The following FBXL13 variants were observed in gnomAD, a reference collection of about 807,000 sequenced individuals.
FBXL13 encodes F-box and leucine rich repeat protein 13.
Under a neutral mutation model 83.6 loss-of-function variants are expected in FBXL13, and 67 were observed. The observed-to-expected ratio is 0.80, with a 90% CI of 0.66 to 0.98. The LOEUF is 0.98. FBXL13 is among the 50% of genes least tolerant of loss of function. The pLI, the probability that FBXL13 is intolerant of heterozygous loss-of-function variation, is 0.00. For synonymous variants in FBXL13, 272 were observed against 299.5 expected (o/e 0.91, Z 0.95); for missense variants, 822 against 866.5 (o/e 0.95, Z 0.64).
chr7:103,068,198 G>C (rs2129504371), intron 1 of FBXL13, among the ~76,000 whole-genome samples: 2 of 152,324 alleles, frequency 1.3e-5, no homozygotes, highest in Middle Eastern at 6.8e-3. Context: ...GACAGGAGTA[G>C]AGAAAAAGGA....
chr7:103,028,733 T>C (rs1794199578), exon 4 of FBXL13: 3 of 1,585,154 alleles, frequency 1.9e-6, no homozygotes, highest in South Asian at 2.4e-5. Context: ...TTGTACGAGC[T>C]ATGTCTCTCC....
At chr7:102,944,901 G>C in intron 8 of FBXL13, 1 of 252,074 alleles carries the variant, frequency 4.0e-6, no homozygotes, top group Non-Finnish European at 7.4e-6. Flanking sequence ...CTGTATAAAT[G>C]TTTTTACTGC....
At chr7:103,042,085 G>T (rs929764668) in intron 2 of FBXL13, among the ~76,000 whole-genome samples, 2 of 152,098 alleles carry the variant, frequency 1.3e-5, no homozygotes, top group African/African-American at 4.8e-5. Context: ...CATTGTCTCA[G>T]CCCAAAATCT....
At chr7:102,956,825 A>G (rs1442656539) in intron 8 of FBXL13, among the ~76,000 whole-genome samples, 2 of 152,170 alleles carry the variant, frequency 1.3e-5, no homozygotes, top group Non-Finnish European at 2.9e-5. Context: ...TACAACTTAC[A>G]AGGGATGTGA....
At chr7:102,969,590 C>T (rs1186386627) in intron 6 of FBXL13, among the ~76,000 whole-genome samples, 1 of 152,022 alleles carries the variant, frequency 6.6e-6, no homozygotes, top group East Asian at 1.9e-4. Flanking sequence ...AGGTGGATTG[C>T]TTGAGGTCAG....
In FBXL13 at chr7:103,028,213, C is replaced by T. The variant is rs185431449; in HGVS notation, c.217+387G>A. Among the ~76,000 whole-genome samples, 490 of 152,216 alleles carry T rather than the reference C, an allele frequency of 3.2e-3. 3 individuals carry two copies. Among genetic ancestry groups the T allele is most frequent in the Non-Finnish European group, 5.1e-3 (345 of 67,996 alleles). On this transcript the variant is annotated intron_variant, in intron 4 of 19. Transcript: ENST00000313221. ...GAAGATAATTTTTATTTTTTAGTTT[C>T]GTCATATATACATTAAATATAATCT...
intron 6 of FBXL13, among the ~76,000 whole-genome samples, chr7:102,991,800 A>G (rs869332): frequency 0.38 from 57,514 of 152,030 alleles, 11,177 homozygotes; most frequent in East Asian, 0.59. Context: ...ACATTGTATG[A>G]TATGGAAAGA....
intron 6 of FBXL13, among the ~76,000 whole-genome samples, chr7:102,989,504 G>T (rs1829339428): frequency 6.6e-6 from 1 of 152,186 alleles, no homozygotes; most frequent in African/African-American, 2.4e-5. Flanking sequence ...CCCAGGAGAA[G>T]AGGAGGAGTG....
chr7:102,990,932 T>C (rs534563917), intron 6 of FBXL13, among the ~76,000 whole-genome samples: 2 of 152,322 alleles, frequency 1.3e-5, no homozygotes, highest in South Asian at 4.1e-4. Flanking sequence ...ATGCAGCATG[T>C]TAAAGCCAAC....
intron 1 of FBXL13, among the ~76,000 whole-genome samples, chr7:103,057,075 G>A (rs1247484730): frequency 6.6e-6 from 1 of 152,094 alleles, no homozygotes; most frequent in African/African-American, 2.4e-5. Flanking sequence ...TGGATGTATA[G>A]ATTTTCGCCT....
intron 8 of FBXL13, chr7:102,932,940 C>T (rs1347720695): frequency 6.6e-6 from 1 of 152,214 alleles, no homozygotes; most frequent in Non-Finnish European, 1.5e-5. Flanking sequence ...AAATACTTAT[C>T]AAGGAGATAT....
intron 10 of FBXL13, among the ~76,000 whole-genome samples, chr7:102,923,664 T>C (rs2129471323): frequency 6.6e-6 from 1 of 151,100 alleles, no homozygotes; most frequent in African/African-American, 2.4e-5. Flanking sequence ...CTACTAAAAA[T>C]ACAAAAAAAC....
At chr7:103,027,342 T>C (rs112882859) in intron 5 of FBXL13, 107 bp downstream of exon 6, 1 of 679,274 alleles carries the variant, frequency 1.5e-6, no homozygotes. Context: ...CAAAAGTAGA[T>C]AATATTCAGG....
chr7:103,024,833 GTA>G (rs1232363692), intron 6 of FBXL13, among the ~76,000 whole-genome samples: 1,415 of 95,846 alleles, frequency 0.015, 70 homozygotes, highest in East Asian at 0.081. Context: ...ATATATATGT[GTA>G]TATATATATA....
At chr7:102,877,652 T>G in intron 15 of FBXL13, 59 bp from the exon 17 acceptor site, 1 of 1,534,262 alleles carries the variant, frequency 6.5e-7, no homozygotes. Context: ...GTAAGCAATT[T>G]CTTCATATAA....
At chr7:103,061,996 T>C (rs376437982) in intron 1 of FBXL13, among the ~76,000 whole-genome samples, 2 of 18,266 alleles carry the variant, frequency 1.1e-4, no homozygotes, top group Admixed American at 1.4e-3. Flanking sequence ...ACATAAAACA[T>C]AAAAACTTCT....
At chr7:103,032,878 A>T (rs1193007032) in intron 2 of FBXL13, among the ~76,000 whole-genome samples, 1 of 152,174 alleles carries the variant, frequency 6.6e-6, no homozygotes, top group Non-Finnish European at 1.5e-5. Flanking sequence ...AAAAATAAAA[A>T]ATTAGCGGGG....
chr7:102,818,005 C>T (rs1469836304), intron 19 of FBXL13, among the ~76,000 whole-genome samples: 1 of 152,094 alleles, frequency 6.6e-6, no homozygotes, highest in Non-Finnish European at 1.5e-5. Flanking sequence ...TAACACTGTA[C>T]TGAAGTTTGT....
chr7:102,980,643 G>A (rs1051549578), intron 6 of FBXL13, among the ~76,000 whole-genome samples: 6 of 152,110 alleles, frequency 3.9e-5, no homozygotes, highest in African/African-American at 1.4e-4. Flanking sequence ...CGGGTGTGGT[G>A]GTGGGCACCT....
Sources: allele counts gnomAD v4.1 joint callset (sites outside exome capture counted in the v4.1 genomes callset), GRCh38; gene constraint gnomAD v4.1.1; transcripts MANE v1.5; gene names NCBI Gene and HGNC (gene_info 2026-07-23, HGNC 2026-07-21).